Variants in RADX observed in about 807,000 individuals in gnomAD.
RADX encodes the protein RPA-related protein RADX.
A neutral mutation model predicts 61.6 loss-of-function variants in RADX; 36 were observed. The observed-to-expected ratio is 0.58, with a 90% CI of 0.45 to 0.77. The LOEUF is 0.77. RADX is among the 30% of genes least tolerant of loss of function. The pLI, the probability that RADX is intolerant of heterozygous loss-of-function variation, is 0.00. For missense variants in RADX, 497 were observed against 651.1 expected (o/e 0.76, Z 2.58); for synonymous variants, 272 against 237.9 (o/e 1.14, Z -1.32).
intron 13 of RADX, 129 bp from the exon 14 acceptor site, chrX:106,677,999 G>A: frequency 2.7e-6 from 1 of 372,300 alleles, no homozygotes; most frequent in African/African-American, 2.5e-5. Context: ...GTAATAAATT[G>A]GAGGGAAGAG....
chrX:106,614,426 A>C (rs1041713182), intron 1 of RADX, among the ~76,000 whole-genome samples: 1 of 112,109 alleles, frequency 8.9e-6, no homozygotes, highest in Non-Finnish European at 1.9e-5. Flanking sequence ...TTGTAGTTTT[A>C]GGCACTTATT....
At chrX:106,668,498 A>G (rs1006578429) in intron 12 of RADX, among the ~76,000 whole-genome samples, 22 of 111,794 alleles carry the variant, frequency 2.0e-4, no homozygotes, top group African/African-American at 6.5e-4. Context: ...TTCTCTGTTT[A>G]TTTAAATGCT....
chrX:106,673,681 C>G (rs893530716), intron 13 of RADX, among the ~76,000 whole-genome samples: 7 of 105,194 alleles, frequency 6.7e-5, no homozygotes, highest in Non-Finnish European at 1.4e-4. Context: ...CCCCCCCATC[C>G]CCCCCCACAC....
chrX:106,616,697 A>G (rs1926810844), intron 1 of RADX, among the ~76,000 whole-genome samples: 1 of 111,047 alleles, frequency 9.0e-6, no homozygotes, highest in South Asian at 3.8e-4. Flanking sequence ...AAATAATTAC[A>G]CTCCAACCCA....
intron 11 of RADX, among the ~76,000 whole-genome samples, chrX:106,649,583 G>A (rs1048614200): frequency 1.8e-5 from 2 of 111,667 alleles, no homozygotes; most frequent in African/African-American, 6.5e-5. Context: ...TATGTGTCAG[G>A]CACTGTGCTG....
At position 106,625,365 on chromosome X, in the gene RADX, C is replaced by G. The variant is rs1259194320; in HGVS notation, c.979+83C>G. On this transcript the variant is annotated intron_variant, in intron 3 of 13. Coordinates refer to ENST00000372548, the MANE Select transcript of RADX (RefSeq NM_018015.6). ...TGTACCATATTAGGAAAAAAGACCACAAAAATTACTGAAGCTGTTAGAACC... is the reference window on the plus strand; with the variant it reads ...TGTACCATATTAGGAAAAAAGACCAGAAAAATTACTGAAGCTGTTAGAACC... 1.8e-5 allele frequency: 11 copies of G among 618,835 alleles called. No individual in the cohort carries two copies. The East Asian group carries it at 3.7e-4, about 21-fold the overall frequency. 51.0% of individuals were successfully genotyped at this position (618,835 alleles called of 1,213,427 possible).
intron 11 of RADX, among the ~76,000 whole-genome samples, chrX:106,660,421 C>T (rs760331670): frequency 8.9e-6 from 1 of 111,993 alleles, no homozygotes; most frequent in Non-Finnish European, 1.9e-5. Context: ...AATAAGTCTC[C>T]AGCTAGGCTT....
At chrX:106,639,809 G>A (rs1490050179) in intron 9 of RADX, 122 bp downstream of exon 9, 1 of 545,391 alleles carries the variant, frequency 1.8e-6, no homozygotes, top group African/African-American at 2.4e-5. Flanking sequence ...AAGCCTAAGA[G>A]AAAACATTAG....
At chrX:106,640,848 A>G in intron 10 of RADX, 127 bp downstream of exon 10, 1 of 435,149 alleles carries the variant, frequency 2.3e-6, no homozygotes, top group Non-Finnish European at 3.8e-6. Flanking sequence ...AAATACCACA[A>G]CTGAGTGACT....
intron 13 of RADX, among the ~76,000 whole-genome samples, chrX:106,676,825 C>T (rs1202533982): frequency 8.9e-6 from 1 of 111,943 alleles, no homozygotes; most frequent in Non-Finnish European, 1.9e-5. Context: ...GAAGGTCAGC[C>T]ACAGATGAGT....
Position 106,636,658 on chromosome X carries a change from T to C in RADX, c.1408+11T>C, listed in dbSNP as rs772335005. 5 of 954,672 alleles carry C rather than the reference T, an allele frequency of 5.2e-6. No homozygotes were observed. Among genetic ancestry groups the C allele is most frequent in the East Asian group, 3.1e-5 (1 of 32,374 alleles). The allele number at this position is 954,672 out of a possible 1,213,427, so 78.7% of individuals were successfully genotyped here. A position where few individuals can be genotyped will look rare whatever the true frequency, so the allele number is the denominator to read the frequency against. ...GAGTGTTTATTACTGGTGAGTAATT[T>C]CTTTGTGTATATTATTAGAAATATA... On this transcript the variant is annotated intron_variant, in intron 7 of 13. Transcript: ENST00000372548.
chrX:106,644,048 G>A (rs1255907104), intron 10 of RADX, among the ~76,000 whole-genome samples: 1 of 111,265 alleles, frequency 9.0e-6, no homozygotes, highest in Admixed American at 9.6e-5. Flanking sequence ...TGTCGTAAAT[G>A]GGATTACTTT....
chrX:106,658,158 T>A (rs1199499537), intron 11 of RADX, among the ~76,000 whole-genome samples: 1 of 112,131 alleles, frequency 8.9e-6, no homozygotes, highest in Non-Finnish European at 1.9e-5. Context: ...AAAGATATGA[T>A]ATAAAAAGAT....
intron 12 of RADX, among the ~76,000 whole-genome samples, chrX:106,665,762 G>GC (rs1158247821): frequency 8.9e-6 from 1 of 111,924 alleles, no homozygotes; most frequent in Non-Finnish European, 1.9e-5. Context: ...TATTCCTGGA[G>GC]CCAAAAATGT....
chrX:106,612,128 G>A lies in RADX; in HGVS notation c.48G>A (p.Gly16=), dbSNP rs1310750348. The A allele has an allele frequency of 5.8e-6, 7 of 1,210,233 alleles. No individual in the cohort carries two copies. Among genetic ancestry groups the A allele is most frequent in the African/African-American group, 1.7e-5 (1 of 57,401 alleles). The change falls in exon 1 of 14, where the codon GGG becomes GGA. Residue 16 remains glycine (G), a synonymous_variant. Coordinates refer to ENST00000372548, the MANE Select transcript of RADX (RefSeq NM_018015.6). ...GQPEAGPSHA[G]LDWPNPERNR... ...CTGAGGCTGGTCCCTCACATGCAGG[G>A]CTAGATTGGCCGAACCCTGAGAGGA...
chrX:106,668,215 C>G (rs1279077696), intron 12 of RADX, among the ~76,000 whole-genome samples: 1 of 112,054 alleles, frequency 8.9e-6, no homozygotes, highest in Non-Finnish European at 1.9e-5. Flanking sequence ...GGTTACCCAT[C>G]ATTGGCCCAT....
At position 106,645,656 on chromosome X, in the gene RADX, GT is replaced by G. The variant is rs922433024; in HGVS notation, c.1905-2653del. On this transcript the variant is annotated intron_variant, in intron 10 of 13. Coordinates refer to ENST00000372548, the MANE Select transcript of RADX (RefSeq NM_018015.6). Reference sequence around the variant, plus strand: ...TGTTTATTTGAATGTTTTAAGACTTGTTTTGTGACCTAACATATGATCTATC... The same window carrying G: ...TGTTTATTTGAATGTTTTAAGACTTGTTTGTGACCTAACATATGATCTATC... 1.4e-4 allele frequency among the ~76,000 whole-genome samples: 16 copies of G among 111,600 alleles called. 1 individual carries two copies. The highest frequency in any genetic ancestry group is 4.9e-4 in the African/African-American group (15 of 30,901).
At chrX:106,616,200 T>G (rs943909918) in intron 1 of RADX, among the ~76,000 whole-genome samples, 4 of 111,442 alleles carry the variant, frequency 3.6e-5, no homozygotes, top group Admixed American at 9.5e-5. Context: ...CTAGGAAAAC[T>G]CATTTCACCT....
intron 12 of RADX, among the ~76,000 whole-genome samples, chrX:106,667,372 A>G (rs1928255108): frequency 9.0e-6 from 1 of 111,362 alleles, no homozygotes; most frequent in African/African-American, 3.3e-5. Context: ...GCTGGAGTAC[A>G]GTGCTACAAT....
Sources: allele counts gnomAD v4.1 joint callset (sites outside exome capture counted in the v4.1 genomes callset), GRCh38; gene constraint gnomAD v4.1.1; transcripts MANE v1.5; gene names NCBI Gene and HGNC (gene_info 2026-07-23, HGNC 2026-07-21).